EML6: variants seen among roughly 807,000 people sequenced by gnomAD.
EML6 encodes EMAP like 6, also known as echinoderm microtubule-associated protein-like 6.
Under a neutral mutation model 240.1 loss-of-function variants are expected in EML6, and 154 were observed. The ratio of observed to expected loss-of-function variants is 0.64; its 90% CI spans 0.56 to 0.73. The LOEUF is 0.73. Among genes scored for constraint, EML6 ranks in the 30% least tolerant of loss-of-function variants. The probability of loss-of-function intolerance (pLI) is 0.00; values close to 1 mark genes in which losing one functional copy is unlikely to be tolerated. For synonymous variants in EML6, 1,148 were observed against 899.0 expected, an observed-to-expected ratio of 1.28 and a Z score of -4.95; for missense variants, 2,964 against 2,474.6, an observed-to-expected ratio of 1.20 and a Z score of -4.20.
rs1265483514 is a variant in EML6, at chr2:54,866,846, G to C, written c.2013G>C (p.Lys671Asn). The C allele has an allele frequency of 1.3e-6, 2 of 1,551,154 alleles. No individual in the cohort carries two copies. ...CAGTGCCCTTCCTCAAACGAGAAAA[G>C]GCTCCTGAGGACAGCTTGAAACTCC... is the stretch of plus-strand genomic sequence containing the variant. ...NHAVPFLKRE[K>N]APEDSLKLQF... Residue 671 changes from lysine (K) to asparagine (N), a missense_variant, in exon 14 of 42, where the codon AAG becomes AAC. By Grantham distance (94) the Lys-to-Asn change is moderately conservative. Transcript: ENST00000356458.
chr2:54,863,955 A>T (rs1670825027), intron 13 of EML6, 66 bp downstream of exon 13: 1 of 849,466 alleles, frequency 1.2e-6, no homozygotes, highest in South Asian at 1.7e-5. Flanking sequence ...GGATTTGGAC[A>T]TAGCACTAAA....
chr2:54,854,953 G>C lies in EML6; in HGVS notation c.1657+1098G>C, dbSNP rs1056346189. ...AGAATTGAGAAGAAACAACATTGGG[G>C]TCAGTGGCAACACTACTGGTCTCTA... On this transcript the variant is annotated intron_variant, in intron 11 of 41. Coordinates refer to ENST00000356458, the MANE Select transcript of EML6 (RefSeq NM_001039753.4). 2.2e-4 allele frequency among the ~76,000 whole-genome samples: 34 copies of C among 152,300 alleles called. 1 individual carries two copies. Among genetic ancestry groups the C allele is most frequent in the African/African-American group, 7.9e-4 (33 of 41,566 alleles).
intron 2 of EML6, among the ~76,000 whole-genome samples, chr2:54,795,325 G>A (rs1669700389): frequency 6.6e-6 from 1 of 152,120 alleles, no homozygotes; most frequent in Non-Finnish European, 1.5e-5. Flanking sequence ...GAGGTGGGGA[G>A]GTGCCACACT....
At chr2:54,768,317 T>C (rs892916581) in intron 2 of EML6, among the ~76,000 whole-genome samples, 1 of 152,202 alleles carries the variant, frequency 6.6e-6, no homozygotes, top group African/African-American at 2.4e-5. Flanking sequence ...GACTTTGCAA[T>C]GTTTTGGCAT....
intron 2 of EML6, among the ~76,000 whole-genome samples, chr2:54,733,963 A>G (rs1463159032): frequency 6.6e-6 from 1 of 152,224 alleles, no homozygotes; most frequent in Non-Finnish European, 1.5e-5. Context: ...CTTGATGCAC[A>G]GAAAAGGACA....
intron 2 of EML6, among the ~76,000 whole-genome samples, chr2:54,730,664 G>A (rs138127450): frequency 2.0e-5 from 3 of 152,294 alleles, no homozygotes; most frequent in East Asian, 1.9e-4. Context: ...TGGAAAGAGC[G>A]CAAAGTGAAA....
intron 28 of EML6, among the ~76,000 whole-genome samples, chr2:54,941,539 G>C (rs1675427924): frequency 6.6e-6 from 1 of 152,242 alleles, no homozygotes; most frequent in African/African-American, 2.4e-5. Context: ...ATCCTGCTAA[G>C]CTAATGCTGC....
chr2:54,970,036 G>C (rs911753618), intron 41 of EML6, 35 bp from the exon 42 acceptor site: 62 of 1,551,168 alleles, frequency 4.0e-5, no homozygotes, highest in African/African-American at 8.2e-5. Context: ...ATGATGTCCA[G>C]CTATGCAAAA....
chr2:54,897,981 T>G (rs1006824556), intron 21 of EML6, among the ~76,000 whole-genome samples: 2 of 152,190 alleles, frequency 1.3e-5, no homozygotes, highest in African/African-American at 4.8e-5. Flanking sequence ...TAGATCCACT[T>G]TGCCGGTTTT....
At position 54,886,405 on chromosome 2, in the gene EML6, G is replaced by C. The variant is rs1573071701; in HGVS notation, c.2439-4649G>C. 3.9e-5 allele frequency among the ~76,000 whole-genome samples: 6 copies of C among 152,142 alleles called. 1 individual carries two copies. Among genetic ancestry groups the C allele is most frequent in the Admixed American group, 3.9e-4 (6 of 15,288 alleles). On this transcript the variant is annotated intron_variant, in intron 17 of 41. Transcript: ENST00000356458. ...TGGTCTCTAACTCCTGACCTCCTCA[G>C]GTGATCCGCCCACCTCAGCCCCCCA...
chr2:54,970,218 C>G lies in EML6; in HGVS notation c.*123C>G, dbSNP rs1192642817. On this transcript the variant is annotated 3_prime_UTR_variant, in exon 42 of 42. Coordinates refer to ENST00000356458, the MANE Select transcript of EML6 (RefSeq NM_001039753.4). Reference sequence around the variant, plus strand: ...TGCCTACCATGCTGCCCCGGATGCACAAGCTCAAAACGCTGCAGAAGTTAC... The same window carrying G: ...TGCCTACCATGCTGCCCCGGATGCAGAAGCTCAAAACGCTGCAGAAGTTAC... 1 of 943,584 alleles carries G rather than the reference C, an allele frequency of 1.1e-6. No individual in the cohort carries two copies. The highest frequency in any genetic ancestry group is 1.7e-6 in the Non-Finnish European group (1 of 598,758). The allele number at this position is 943,584 out of a possible 1,614,324, so 58.5% of individuals were successfully genotyped here. A position where few individuals can be genotyped will look rare whatever the true frequency, so the allele number is the denominator to read the frequency against.
At chr2:54,965,025 T>C (rs112172704) in intron 38 of EML6, among the ~76,000 whole-genome samples, 2 of 152,230 alleles carry the variant, frequency 1.3e-5, no homozygotes, top group Non-Finnish European at 2.9e-5. Context: ...CAGAGTTTCC[T>C]GATTTCTAGT....
At chr2:54,917,800 T>G (rs1388087760) in intron 26 of EML6, among the ~76,000 whole-genome samples, 2 of 152,240 alleles carry the variant, frequency 1.3e-5, no homozygotes, top group African/African-American at 4.8e-5. Context: ...TTCTAGTTGC[T>G]TCAGCCATTT....
intron 2 of EML6, among the ~76,000 whole-genome samples, chr2:54,802,995 AGACTGGGGT>A (rs1323635737): frequency 6.6e-6 from 1 of 152,140 alleles, no homozygotes; most frequent in Non-Finnish European, 1.5e-5. Context: ...GGAACTTGGG[AGACTGGGGT>A]GAAACAGGTC....
chr2:54,928,187 TAGTTGAAATGTAGGAAATTGC>T, intron 26 of EML6, 105 bp from the exon 27 acceptor site: 1 of 764,934 alleles, frequency 1.3e-6, no homozygotes, highest in South Asian at 1.6e-5. Flanking sequence ...GCTTACATTC[TAGTTGAAATGTAGGAAATTGC>T]TGTTGAACTG....
intron 2 of EML6, among the ~76,000 whole-genome samples, chr2:54,784,039 A>G (rs1199121268): frequency 6.6e-6 from 1 of 151,992 alleles, no homozygotes; most frequent in Admixed American, 6.6e-5. Context: ...CTCGAAATCC[A>G]GGGCTCAAGT....
chr2:54,772,610 T>G (rs1408622121), intron 2 of EML6, among the ~76,000 whole-genome samples: 1 of 152,236 alleles, frequency 6.6e-6, no homozygotes, highest in Non-Finnish European at 1.5e-5. Context: ...CCATGTGCTG[T>G]GTGTGTATGT....
intron 25 of EML6, among the ~76,000 whole-genome samples, chr2:54,914,914 C>G (rs13014294): frequency 0.019 from 2,960 of 152,234 alleles, 37 homozygotes; most frequent in Non-Finnish European, 0.031. Flanking sequence ...TAAAGCAGCA[C>G]CATATTGGGA....
intron 16 of EML6, among the ~76,000 whole-genome samples, chr2:54,873,884 T>C (rs999504781): frequency 6.8e-6 from 1 of 147,322 alleles, no homozygotes; most frequent in Non-Finnish European, 1.5e-5. Context: ...ATGACAAGTA[T>C]GAAGATTGTA....
Sources: gnomAD v4.1 joint callset for allele counts (sites outside exome capture counted in the v4.1 genomes callset) on GRCh38, gnomAD v4.1.1 for gene constraint, MANE v1.5 for transcripts, NCBI Gene and HGNC (gene_info 2026-07-23, HGNC 2026-07-21) for gene names.